Variants in LHCGR observed in about 807,000 individuals in gnomAD.
LHCGR encodes luteinizing hormone/choriogonadotropin receptor.
In LHCGR, 55 loss-of-function variants were observed where a neutral mutation model predicts 60.7. The observed-to-expected ratio is 0.91, with a 90% confidence interval of 0.73 to 1.13. LHCGR has a LOEUF of 1.13. Among genes scored for constraint, LHCGR ranks in the 50% most tolerant of loss-of-function variants. The pLI, the probability that LHCGR is intolerant of heterozygous loss-of-function variation, is 0.00. For synonymous variants in LHCGR, 337 were observed against 316.5 expected, an observed-to-expected ratio of 1.06 and a Z score of -0.69; for missense variants, 862 against 836.0, an observed-to-expected ratio of 1.03 and a Z score of -0.38.
intron 8 of LHCGR, among the ~76,000 whole-genome samples, chr2:48,701,844 CT>C (rs1667427415): frequency 6.6e-6 from 1 of 152,184 alleles, no homozygotes; most frequent in African/African-American, 2.4e-5. Flanking sequence ...AACAAATGAA[CT>C]GGGTTACCCT....
At chr2:48,747,321 A>T (rs1006855187) in intron 1 of LHCGR, among the ~76,000 whole-genome samples, 3 of 152,084 alleles carry the variant, frequency 2.0e-5, no homozygotes, top group African/African-American at 7.2e-5. Context: ...CAAACTCCTG[A>T]CCTCAAGTGA....
chr2:48,714,140 T>C (rs1442972695), intron 6 of LHCGR, 86 bp from the exon 7 acceptor site: 2 of 885,160 alleles, frequency 2.3e-6, no homozygotes, highest in Non-Finnish European at 3.8e-6. Context: ...TAACATATAT[T>C]ACTAAGGTTA....
At chr2:48,714,415 G>A (rs1035570153) in intron 6 of LHCGR, among the ~76,000 whole-genome samples, 1 of 152,012 alleles carries the variant, frequency 6.6e-6, no homozygotes, top group Admixed American at 6.6e-5. Context: ...TTTGCAGGCC[G>A]GTGTGGGCAT....
Position 48,726,323 on chromosome 2 carries a change from C to G in LHCGR, c.309-573G>C, listed in dbSNP as rs564994246. On this transcript the variant is annotated intron_variant, in intron 3 of 10. Transcript: ENST00000294954. ...TGTGTCATGATGTCCAGCCTCCTAACTTCCCTGAGCTAGTGTCTCTTCTGT... is the reference window on the plus strand; with the variant it reads ...TGTGTCATGATGTCCAGCCTCCTAAGTTCCCTGAGCTAGTGTCTCTTCTGT... 2.0e-5 allele frequency among the ~76,000 whole-genome samples: 3 copies of G among 152,316 alleles called. No homozygotes were observed. In the East Asian group the frequency reaches 5.8e-4, roughly 29 times the overall value.
intron 6 of LHCGR, among the ~76,000 whole-genome samples, chr2:48,715,633 G>A (rs1372974950): frequency 6.6e-6 from 1 of 152,116 alleles, no homozygotes; most frequent in African/African-American, 2.4e-5. Flanking sequence ...TGAGCATGGA[G>A]CTTCACTTTG....
chr2:48,745,288 C>T (rs1462946258), intron 1 of LHCGR, among the ~76,000 whole-genome samples: 17 of 152,234 alleles, frequency 1.1e-4, no homozygotes, highest in East Asian at 9.7e-4. Flanking sequence ...GTCAGTGTGG[C>T]GATTCCTCAG....
chr2:48,715,623 T>A (rs6761185), intron 6 of LHCGR, among the ~76,000 whole-genome samples: 21,189 of 152,088 alleles, frequency 0.14, 1,761 homozygotes, highest in South Asian at 0.27. Flanking sequence ...TTAAACAAAA[T>A]GAGCATGGAG....
chr2:48,733,958 A>G (rs1205501864), intron 1 of LHCGR, among the ~76,000 whole-genome samples: 1 of 152,206 alleles, frequency 6.6e-6, no homozygotes, highest in Non-Finnish European at 1.5e-5. Flanking sequence ...ATGATGCCAG[A>G]AACTTTTAGC....
rs944434109 is a variant in LHCGR, at chr2:48,688,492, T to C, written c.1305A>G (p.Thr435=). 2 of 1,614,208 alleles carry C rather than the reference T, an allele frequency of 1.2e-6. No individual in the cohort carries two copies. The highest frequency in any genetic ancestry group is 2.7e-5 in the African/African-American group (2 of 75,054). The change falls in exon 11 of 11, where the codon ACA becomes ACG. Residue 435 remains threonine, a synonymous_variant. Coordinates refer to ENST00000294954, the MANE Select transcript of LHCGR (RefSeq NM_000233.4). This position sits in a 1 kb window ranked among gnomAD's most constrained non-coding sequence, Gnocchi z 5.2. ...AGCCAGCAGTGCTGCACCCACTCCC[T>C]GTCTGCCAGTCTATGGCATGGTTAT... ...QYYNHAIDWQ[T]GSGCSTAGFF...
intron 9 of LHCGR, among the ~76,000 whole-genome samples, chr2:48,697,662 G>A (rs1667185026): frequency 6.6e-6 from 1 of 152,148 alleles, no homozygotes; most frequent in South Asian, 2.1e-4. Context: ...AAAGACAGCA[G>A]CATCTGGTGT....
rs1373291378 is a variant in LHCGR at position 48,742,461 on chromosome 2, A to G, written c.162-11163T>C. 5.9e-5 allele frequency among the ~76,000 whole-genome samples: 9 copies of G among 151,532 alleles called. No individual in the cohort carries two copies. The East Asian group carries it at 1.7e-3, about 29-fold the overall frequency. ...TTGGAAGTAAAGCTCTCCTCAGCAA[A>G]TGTAAAAGAACAGAAATTATAACAA... On this transcript the variant is annotated intron_variant, in intron 1 of 10. Transcript: ENST00000294954.
At chr2:48,750,193 G>A (rs960428796) in intron 1 of LHCGR, among the ~76,000 whole-genome samples, 2 of 152,204 alleles carry the variant, frequency 1.3e-5, no homozygotes, top group African/African-American at 4.8e-5. Context: ...TTGCTTGCAA[G>A]AGTGTGGTAG....
chr2:48,735,142 T>C (rs555923726), intron 1 of LHCGR, among the ~76,000 whole-genome samples: 53 of 152,358 alleles, frequency 3.5e-4, no homozygotes, highest in African/African-American at 1.1e-3. Context: ...TGCGTTAGCT[T>C]CATCAGCTTG....
In LHCGR at chr2:48,687,515, A is replaced by C. The variant is rs1266628357; in HGVS notation, c.*182T>G. 1.8e-6 allele frequency: 1 copy of C among 553,566 alleles called. No homozygotes were observed. The highest frequency in any genetic ancestry group is 3.2e-6 in the Non-Finnish European group (1 of 314,506). The allele number at this position is 553,566 out of a possible 1,614,324, so 34.3% of individuals were successfully genotyped here. ...GTATTTATGCCATGTAACAATGACA[A>C]ATAGTTTTTAGTGTGGCAGTGGTCA... is the stretch of plus-strand genomic sequence containing the variant. On this transcript the variant is annotated 3_prime_UTR_variant, in exon 11 of 11. Transcript: ENST00000294954.
chr2:48,690,085 C>G (rs560137627), intron 10 of LHCGR, among the ~76,000 whole-genome samples: 3 of 152,308 alleles, frequency 2.0e-5, no homozygotes, highest in Non-Finnish European at 4.4e-5. Flanking sequence ...AGCTCTCTCC[C>G]TAGTCCATTC....
rs1473791790 is a variant in LHCGR, at chr2:48,688,186, C to A, written c.1611G>T (p.Val537=). The A allele has an allele frequency of 6.2e-7, 1 of 1,614,026 alleles. No individual in the cohort carries two copies. Among genetic ancestry groups the A allele is most frequent in the South Asian group, 1.1e-5 (1 of 91,078 alleles). Reference sequence around the variant, plus strand: ...AGCAAGCACAAATTATGAAGAAGGCCACCACATTGAGAATCAGGATGGTTA... The same window carrying A: ...AGCAAGCACAAATTATGAAGAAGGCAACCACATTGAGAATCAGGATGGTTA... ...YILTILILNV[V]AFFIICACYI... The change falls in exon 11 of 11, where the codon GTG becomes GTT. Residue 537 remains valine, a synonymous_variant. Transcript: ENST00000294954. This position sits in a 1 kb window ranked among gnomAD's most constrained non-coding sequence, Gnocchi z 5.2.
At chr2:48,739,134 A>G (rs1415625630) in intron 1 of LHCGR, among the ~76,000 whole-genome samples, 1 of 152,240 alleles carries the variant, frequency 6.6e-6, no homozygotes, top group Non-Finnish European at 1.5e-5. Flanking sequence ...ACCAGTTAGA[A>G]TGGCGATCAT....
intron 1 of LHCGR, among the ~76,000 whole-genome samples, chr2:48,736,425 G>A (rs1558882771): frequency 1.3e-5 from 2 of 152,156 alleles, no homozygotes; most frequent in Non-Finnish European, 2.9e-5. Context: ...GTGCAGCTGT[G>A]TCAGAGTCCA....
At chr2:48,731,132 C>A in intron 2 of LHCGR, 95 bp downstream of exon 2, 1 of 807,888 alleles carries the variant, frequency 1.2e-6, no homozygotes, top group Non-Finnish European at 2.1e-6. Flanking sequence ...CAATTTCTTT[C>A]CTAGAAAAAT....
Sources: gnomAD v4.1 joint callset for allele counts (sites outside exome capture counted in the v4.1 genomes callset) on GRCh38, gnomAD v4.1.1 for gene constraint, Gnocchi (gnomAD v3.1) non-coding constraint, MANE v1.5 for transcripts, NCBI Gene and HGNC (gene_info 2026-07-23, HGNC 2026-07-21) for gene names.